Variants in SH3RF3 observed in about 807,000 individuals in gnomAD.
SH3RF3 encodes E3 ubiquitin-protein ligase SH3RF3.
A neutral mutation model predicts 66.3 loss-of-function variants in SH3RF3; 29 were observed. The observed-to-expected ratio is 0.44, with a 90% CI of 0.33 to 0.60. The LOEUF (loss-of-function observed/expected upper bound fraction) is 0.60, where lower values mean the gene tolerates loss of function less well. Ranked by LOEUF, SH3RF3 falls within the 20% of genes least tolerant of loss-of-function variation. The probability of loss-of-function intolerance (pLI) is 0.04; values close to 1 mark genes in which losing one functional copy is unlikely to be tolerated. For synonymous variants in SH3RF3, 583 were observed against 532.0 expected (o/e 1.10, Z -1.32); for missense variants, 1,194 against 1,190.9 (o/e 1.00, Z -0.04).
At chr2:109,271,741 G>A (rs1388310545) in intron 1 of SH3RF3, among the ~76,000 whole-genome samples, 2 of 152,234 alleles carry the variant, frequency 1.3e-5, no homozygotes, top group African/African-American at 2.4e-5. Flanking sequence ...ACAGAAAGTC[G>A]TGTGTCCTCA....
chr2:109,419,477 T>G, intron 4 of SH3RF3, 62 bp from the exon 5 acceptor site: 3 of 1,514,348 alleles, frequency 2.0e-6, no homozygotes, highest in Admixed American at 2.0e-5. Context: ...CATTTTGCTT[T>G]TCTCTTTCCC....
intron 4 of SH3RF3, among the ~76,000 whole-genome samples, chr2:109,419,012 C>T (rs925452784): frequency 1.3e-5 from 2 of 152,120 alleles, no homozygotes; most frequent in Admixed American, 6.5e-5. Flanking sequence ...GCTTAAAAAA[C>T]CCTTGAAGCT....
intron 8 of SH3RF3, among the ~76,000 whole-genome samples, chr2:109,461,679 G>A (rs1190292482): frequency 4.0e-5 from 6 of 150,688 alleles, no homozygotes; most frequent in South Asian, 4.3e-4. Flanking sequence ...AGACCTGCGC[G>A]GTGATCCACC....
intron 1 of SH3RF3, among the ~76,000 whole-genome samples, chr2:109,332,445 C>G (rs371052317): frequency 3.9e-5 from 6 of 152,336 alleles, no homozygotes; most frequent in African/African-American, 1.4e-4. Context: ...CCTGGACGGG[C>G]TTGGGGCTGA....
chr2:109,147,258 A>G (rs1677121397), intron 1 of SH3RF3, among the ~76,000 whole-genome samples: 1 of 152,094 alleles, frequency 6.6e-6, no homozygotes, highest in South Asian at 2.1e-4. Context: ...TGCTCGAAAG[A>G]TGTAAATATG....
At chr2:109,452,350 A>G (rs1410549366) in intron 8 of SH3RF3, among the ~76,000 whole-genome samples, 1 of 152,094 alleles carries the variant, frequency 6.6e-6, no homozygotes, top group Non-Finnish European at 1.5e-5. Flanking sequence ...AGATGTACAC[A>G]TGTCTAATTA....
intron 1 of SH3RF3, among the ~76,000 whole-genome samples, chr2:109,270,575 C>G (rs2105317056): frequency 6.6e-6 from 1 of 152,298 alleles, no homozygotes; most frequent in African/African-American, 2.4e-5. Context: ...GTGGCCGTTT[C>G]AGGTCAAAGC....
intron 3 of SH3RF3, among the ~76,000 whole-genome samples, chr2:109,373,917 C>T (rs570067508): frequency 6.6e-6 from 1 of 152,258 alleles, no homozygotes; most frequent in South Asian, 2.1e-4. Context: ...AGTCCGCAAG[C>T]AGGTGCAGGC....
chr2:109,427,590 G>T (rs1204474896), intron 5 of SH3RF3, among the ~76,000 whole-genome samples: 1 of 152,144 alleles, frequency 6.6e-6, no homozygotes, highest in East Asian at 1.9e-4. Context: ...CACACTTCGG[G>T]AGTCCCTGCA....
At chr2:109,484,275 C>T (rs1419736762) in intron 8 of SH3RF3, among the ~76,000 whole-genome samples, 1 of 152,124 alleles carries the variant, frequency 6.6e-6, no homozygotes, top group African/African-American at 2.4e-5. Flanking sequence ...CCATGTTGGC[C>T]AGGCTGGTCT....
At chr2:109,254,806 G>A (rs1013172164) in intron 1 of SH3RF3, among the ~76,000 whole-genome samples, 3 of 152,088 alleles carry the variant, frequency 2.0e-5, no homozygotes, top group African/African-American at 7.2e-5. Context: ...CAACAGATGG[G>A]TACTTCTAGG....
intron 3 of SH3RF3, among the ~76,000 whole-genome samples, chr2:109,380,204 C>T (rs1472048210): frequency 2.0e-5 from 3 of 152,120 alleles, no homozygotes; most frequent in Admixed American, 1.3e-4. Context: ...GGTACCGGCT[C>T]GCCCTGATTT....
chr2:109,233,289 T>C (rs1679564449), intron 1 of SH3RF3, among the ~76,000 whole-genome samples: 1 of 151,958 alleles, frequency 6.6e-6, no homozygotes, highest in South Asian at 2.1e-4. Context: ...TTGTATTGAG[T>C]GATGGAGGTG....
At chr2:109,273,821 C>T (rs991794014) in intron 1 of SH3RF3, among the ~76,000 whole-genome samples, 1 of 152,054 alleles carries the variant, frequency 6.6e-6, no homozygotes, top group African/African-American at 2.4e-5. Flanking sequence ...AGACCAGGCT[C>T]AGCATACATG....
At chr2:109,369,775 C>A (rs529266454) in intron 2 of SH3RF3, among the ~76,000 whole-genome samples, 1 of 152,308 alleles carries the variant, frequency 6.6e-6, no homozygotes, top group East Asian at 1.9e-4. Context: ...CTCGGATGGA[C>A]ACCAAACCCT....
chr2:109,383,312 G>T (rs1675743748), intron 3 of SH3RF3, among the ~76,000 whole-genome samples: 1 of 152,170 alleles, frequency 6.6e-6, no homozygotes. Flanking sequence ...AGTCACTGGG[G>T]GGTCATGGGG....
intron 8 of SH3RF3, among the ~76,000 whole-genome samples, chr2:109,474,969 TTTTG>T (rs202154148): frequency 0.019 from 2,945 of 152,030 alleles, 61 homozygotes; most frequent in Non-Finnish European, 0.033. Context: ...TTTGGGTTTT[TTTTG>T]TTTGTTTGTT....
intron 1 of SH3RF3, among the ~76,000 whole-genome samples, chr2:109,346,301 G>T (rs896344718): frequency 6.6e-6 from 1 of 152,138 alleles, no homozygotes; most frequent in Non-Finnish European, 1.5e-5. Context: ...GTCGTTTGAC[G>T]TTGCTGAAAC....
At chr2:109,226,863 T>C (rs770691029) in intron 1 of SH3RF3, among the ~76,000 whole-genome samples, 8 of 152,172 alleles carry the variant, frequency 5.3e-5, no homozygotes, top group Non-Finnish European at 7.3e-5. Flanking sequence ...AGAAACTAAC[T>C]GGAATCAGTC....
Sources: gnomAD v4.1 joint callset for allele counts (sites outside exome capture counted in the v4.1 genomes callset) on GRCh38, gnomAD v4.1.1 for gene constraint, MANE v1.5 for transcripts, NCBI Gene and HGNC (gene_info 2026-07-23, HGNC 2026-07-21) for gene names.